The following ATXN10 variants were observed in gnomAD, a reference collection of about 807,000 sequenced individuals.
ATXN10 encodes ataxin-10.
Under a neutral mutation model 52.9 loss-of-function variants are expected in ATXN10, and 28 were observed. The ratio of observed to expected loss-of-function variants is 0.53; its 90% confidence interval spans 0.39 to 0.73. The LOEUF (loss-of-function observed/expected upper bound fraction) is 0.73. ATXN10 is among the 30% of genes least tolerant of loss of function. The pLI, the probability that ATXN10 is intolerant of heterozygous loss-of-function variation, is 0.00. For synonymous variants in ATXN10, 226 were observed against 221.5 expected, an observed-to-expected ratio of 1.02 and a Z score of -0.18; for missense variants, 565 against 577.0, an observed-to-expected ratio of 0.98 and a Z score of 0.21.
intron 1 of ATXN10, among the ~76,000 whole-genome samples, chr22:45,686,587 A>T (rs1923146270): frequency 1.3e-5 from 2 of 152,144 alleles, no homozygotes; most frequent in Non-Finnish European, 2.9e-5. Context: ...TGGGAGGCCG[A>T]GGCGGGCAGA....
intron 4 of ATXN10, 103 bp downstream of exon 4, chr22:45,700,481 T>G: frequency 1.1e-6 from 1 of 905,162 alleles, no homozygotes; most frequent in South Asian, 1.4e-5. Flanking sequence ...CCCACTGTAA[T>G]AGAGTTCAGG....
chr22:45,702,903 C>T, intron 5 of ATXN10, 56 bp downstream of exon 5: 1 of 1,605,392 alleles, frequency 6.2e-7, no homozygotes, highest in South Asian at 1.1e-5. Context: ...GATCACTTTC[C>T]TTGCAGAGGT....
At chr22:45,699,105 A>T (rs929256324) in intron 3 of ATXN10, among the ~76,000 whole-genome samples, 3 of 152,166 alleles carry the variant, frequency 2.0e-5, no homozygotes, top group African/African-American at 7.2e-5. Flanking sequence ...CACAAGCATG[A>T]GTTATTTTAA....
At chr22:45,740,719 C>G in intron 9 of ATXN10, 181 bp downstream of exon 9, 1 of 339,176 alleles carries the variant, frequency 2.9e-6, no homozygotes, top group Non-Finnish European at 5.2e-6. Flanking sequence ...CACACACACA[C>G]ATATATATAC....
chr22:45,691,862 C>G (rs776380080), intron 2 of ATXN10, among the ~76,000 whole-genome samples: 4 of 152,124 alleles, frequency 2.6e-5, no homozygotes, highest in Admixed American at 6.5e-5. Context: ...TACTGCACTT[C>G]AGCCTGGGCA....
rs938213949 is a variant in ATXN10, at chr22:45,759,473, C to T, written c.1173+18935C>T. ...GTTGCAGTGAGCCGAGATAGCATCA[C>T]TGCACTCCAGCCTGGGCAGAGCAAG... On this transcript the variant is annotated intron_variant, in intron 9 of 11. Transcript: ENST00000252934. The surrounding 1 kb of genome is among the most constrained non-coding windows in gnomAD (Gnocchi z 5.4). 1.3e-5 allele frequency among the ~76,000 whole-genome samples: 2 copies of T among 152,222 alleles called. No individual in the cohort carries two copies. The highest frequency in any genetic ancestry group is 2.9e-5 in the Non-Finnish European group (2 of 68,046).
Position 45,835,527 on chromosome 22 carries a change from TCAGCA to T in ATXN10, c.1238-7463_1238-7459del, listed in dbSNP as rs1929138794. ...CAAGGACAGTGAATGGGCCTTCGTT[TCAGCA>T]TCTTTAATAAAGTACTGATTTGGGT... On this transcript the variant is annotated intron_variant, in intron 10 of 11. Transcript: ENST00000252934. The surrounding 1 kb of genome is among the most constrained non-coding windows in gnomAD (Gnocchi z 5.0). 6.6e-6 allele frequency among the ~76,000 whole-genome samples: 1 copy of T among 152,228 alleles called. No homozygotes were observed. The highest frequency in any genetic ancestry group is 2.4e-5 in the African/African-American group (1 of 41,454).
chr22:45,682,878 G>A (rs750543576), intron 1 of ATXN10, among the ~76,000 whole-genome samples: 4 of 152,044 alleles, frequency 2.6e-5, no homozygotes, highest in Non-Finnish European at 5.9e-5. Context: ...TCTGTTTACC[G>A]TATCTGCTGC....
intron 9 of ATXN10, among the ~76,000 whole-genome samples, chr22:45,794,572 A>G (rs1927642249): frequency 6.6e-6 from 1 of 152,152 alleles, no homozygotes; most frequent in South Asian, 2.1e-4. Context: ...TTGTTGTTCT[A>G]ATTCACTGAC....
rs1466612150 is a variant in ATXN10 at position 45,744,148 on chromosome 22, A to G, written c.1173+3610A>G. On this transcript the variant is annotated intron_variant, in intron 9 of 11. Coordinates refer to ENST00000252934, the MANE Select transcript of ATXN10 (RefSeq NM_013236.4). This position sits in a 1 kb window ranked among gnomAD's most constrained non-coding sequence, Gnocchi z 4.9. ...CTTTGACGGGTAATTCAGGCAAGGT[A>G]TTAATATCTTCTGTGGAGCTTCCAT... is the stretch of plus-strand genomic sequence containing the variant. Among the ~76,000 whole-genome samples the G allele has an allele frequency of 1.3e-5, 2 of 152,160 alleles. No individual in the cohort carries two copies. The highest frequency in any genetic ancestry group is 4.8e-5 in the African/African-American group (2 of 41,442).
chr22:45,710,773 C>T (rs1441681456), intron 5 of ATXN10, among the ~76,000 whole-genome samples: 1 of 152,182 alleles, frequency 6.6e-6, no homozygotes, highest in African/African-American at 2.4e-5. Context: ...GACCATTTGG[C>T]CTGCAAAGCT....
intron 7 of ATXN10, among the ~76,000 whole-genome samples, chr22:45,737,380 C>A (rs1925337401): frequency 6.6e-6 from 1 of 152,198 alleles, no homozygotes; most frequent in African/African-American, 2.4e-5. Flanking sequence ...TGGGCAGCTA[C>A]ACCTTTAACA....
chr22:45,682,382 T>C (rs1260064926), intron 1 of ATXN10, among the ~76,000 whole-genome samples: 1 of 152,010 alleles, frequency 6.6e-6, no homozygotes, highest in South Asian at 2.1e-4. Context: ...AGGGGCACGA[T>C]CTGCAGCCCT....
chr22:45,837,280 G>A lies in ATXN10; in HGVS notation c.1238-5711G>A, dbSNP rs1345769766. Among the ~76,000 whole-genome samples the A allele has an allele frequency of 6.6e-6, 1 of 152,080 alleles. No individual in the cohort carries two copies. The highest frequency in any genetic ancestry group is 1.5e-5 in the Non-Finnish European group (1 of 68,018). ...GGTTTGTTTATTTACTTATTTTTGA[G>A]ACAGAGTCTTGCTCTGTCGCCCAGG... On this transcript the variant is annotated intron_variant, in intron 10 of 11. Coordinates refer to ENST00000252934, the MANE Select transcript of ATXN10 (RefSeq NM_013236.4). This position sits in a 1 kb window ranked among gnomAD's most constrained non-coding sequence, Gnocchi z 5.8.
At position 45,728,338 on chromosome 22, in the gene ATXN10, C is replaced by T. The variant is rs1263900382; in HGVS notation, c.729-1087C>T. Reference sequence around the variant, plus strand: ...TAATACTGTGCTCAACTGAGTGGACCGTGTATTAGTTTTATTTTGGATTAA... The same window carrying T: ...TAATACTGTGCTCAACTGAGTGGACTGTGTATTAGTTTTATTTTGGATTAA... On this transcript the variant is annotated intron_variant, in intron 6 of 11. Coordinates refer to ENST00000252934, the MANE Select transcript of ATXN10 (RefSeq NM_013236.4). The surrounding 1 kb of genome is among the most constrained non-coding windows in gnomAD (Gnocchi z 4.3). Among the ~76,000 whole-genome samples, 6 of 151,892 alleles carry T rather than the reference C, an allele frequency of 4.0e-5. No individual in the cohort carries two copies. Among genetic ancestry groups the T allele is most frequent in the African/African-American group, 1.5e-4 (6 of 41,344 alleles).
chr22:45,718,537 A>T lies in ATXN10; in HGVS notation c.728+44A>T. 6.6e-7 allele frequency: 1 copy of T among 1,511,604 alleles called. No homozygotes were observed. The highest frequency in any genetic ancestry group is 9.2e-7 in the Non-Finnish European group (1 of 1,086,940). The allele number at this position is 1,511,604 out of a possible 1,614,324, so 93.6% of individuals were successfully genotyped here. A position where few individuals can be genotyped will look rare whatever the true frequency, so the allele number is the denominator to read the frequency against. ...TGGTCTGGAGTATTTAGCATTCCAT[A>T]TAGGGTATTCGATGCACGTGACTGA... On this transcript the variant is annotated intron_variant, in intron 6 of 11. Transcript: ENST00000252934. The surrounding 1 kb of genome is among the most constrained non-coding windows in gnomAD (Gnocchi z 4.4).
At chr22:45,739,444 G>GA (rs1925424817) in intron 8 of ATXN10, among the ~76,000 whole-genome samples, 1 of 152,160 alleles carries the variant, frequency 6.6e-6, no homozygotes, top group Non-Finnish European at 1.5e-5. Context: ...TACTTACTCT[G>GA]GAGACCAGTG....
At chr22:45,698,455 G>A (rs1923707664) in intron 3 of ATXN10, among the ~76,000 whole-genome samples, 1 of 152,062 alleles carries the variant, frequency 6.6e-6, no homozygotes, top group South Asian at 2.1e-4. Flanking sequence ...GTTTTCAATT[G>A]GGCTGTTTGT....
Position 45,818,740 on chromosome 22 carries a change from G to T in ATXN10, c.1237+11718G>T, listed in dbSNP as rs375105132. 6.6e-5 allele frequency among the ~76,000 whole-genome samples: 10 copies of T among 151,916 alleles called. No homozygotes were observed. Among genetic ancestry groups the T allele is most frequent in the African/African-American group, 2.4e-4 (10 of 41,368 alleles). On this transcript the variant is annotated intron_variant, in intron 10 of 11. Coordinates refer to ENST00000252934, the MANE Select transcript of ATXN10 (RefSeq NM_013236.4). The surrounding 1 kb of genome is among the most constrained non-coding windows in gnomAD (Gnocchi z 4.6). ...GTTACTTCAGCTGCCTGTCTGCTGC[G>T]TTTTCCCAAGCGTGCTTCTCAGTGG... is the stretch of plus-strand genomic sequence containing the variant.
Sources: allele counts gnomAD v4.1 joint callset (sites outside exome capture counted in the v4.1 genomes callset), GRCh38; gene constraint gnomAD v4.1.1; non-coding constraint Gnocchi (gnomAD v3.1); transcripts MANE v1.5; gene names NCBI Gene and HGNC (gene_info 2026-07-23, HGNC 2026-07-21).